RTN3: variants seen among roughly 807,000 people sequenced by gnomAD.
The protein encoded by RTN3 is reticulon 3.
RTN3 carries 49 observed loss-of-function variants against 77.8 expected under a neutral mutation model. The observed-to-expected ratio is 0.63, with a 90% CI of 0.50 to 0.80. The LOEUF (loss-of-function observed/expected upper bound fraction) is 0.80. Among genes scored for constraint, RTN3 ranks in the 30% least tolerant of loss-of-function variants. RTN3 has a pLI of 0.00. For synonymous variants in RTN3, 464 were observed against 446.9 expected, an observed-to-expected ratio of 1.04 and a Z score of -0.48; for missense variants, 1,236 against 1,211.9, an observed-to-expected ratio of 1.02 and a Z score of -0.29.
intron 2 of RTN3, chr11:63,714,154 C>A: frequency 2.4e-6 from 1 of 421,114 alleles, no homozygotes; most frequent in Non-Finnish European, 4.8e-6. Flanking sequence ...TACAGGTCAG[C>A]TGTGTCCAAG....
chr11:63,704,629 A>T (rs572787824), intron 1 of RTN3, among the ~76,000 whole-genome samples: 1 of 152,292 alleles, frequency 6.6e-6, no homozygotes, highest in East Asian at 1.9e-4. Context: ...CTAAAAAAAA[A>T]AAAATGAATG....
At chr11:63,711,377 G>T (rs1565314398) in intron 2 of RTN3, among the ~76,000 whole-genome samples, 2 of 148,922 alleles carry the variant, frequency 1.3e-5, no homozygotes, top group Non-Finnish European at 3.0e-5. Flanking sequence ...TGTTTTTTGG[G>T]TTTTTTATTT....
chr11:63,732,085 T>G (rs2012733549), intron 3 of RTN3, among the ~76,000 whole-genome samples: 1 of 151,730 alleles, frequency 6.6e-6, no homozygotes, highest in South Asian at 2.1e-4. Flanking sequence ...AGAGCTGAAA[T>G]CAATGGAATA....
At chr11:63,738,245 T>A (rs2013259364) in intron 3 of RTN3, among the ~76,000 whole-genome samples, 1 of 152,150 alleles carries the variant, frequency 6.6e-6, no homozygotes, top group Non-Finnish European at 1.5e-5. Flanking sequence ...TTCCTTTTAG[T>A]TATTTCAGGC....
chr11:63,706,880 A>G (rs1942519585), intron 2 of RTN3, among the ~76,000 whole-genome samples: 1 of 148,004 alleles, frequency 6.8e-6, no homozygotes, highest in African/African-American at 2.5e-5. Context: ...TTAAGTCACT[A>G]TTTTTTTTCT....
At chr11:63,728,560 G>A (rs369397836) in intron 3 of RTN3, among the ~76,000 whole-genome samples, 86 of 152,206 alleles carry the variant, frequency 5.7e-4, no homozygotes, top group African/African-American at 1.9e-3. Context: ...TAGTCAAGTT[G>A]CTGAAAACCA....
At position 63,729,679 on chromosome 11, in the gene RTN3, T is replaced by C. The variant is rs557383870; in HGVS notation, c.2530+8647T>C. 3.3e-5 allele frequency among the ~76,000 whole-genome samples: 5 copies of C among 152,014 alleles called. 1 individual carries two copies. Among genetic ancestry groups the C allele is most frequent in the African/African-American group, 9.6e-5 (4 of 41,484 alleles). On this transcript the variant is annotated intron_variant, in intron 3 of 8. Coordinates refer to ENST00000377819, the MANE Select transcript of RTN3 (RefSeq NM_001265589.2). ...CTCATTATGTTGCCAACACTGGCAT[T>C]GATCTCCTGGGCTCAAGTAATCCTC...
intron 1 of RTN3, among the ~76,000 whole-genome samples, chr11:63,687,667 A>G (rs7943876): frequency 0.096 from 14,647 of 152,144 alleles, 958 homozygotes; most frequent in Non-Finnish European, 0.14. Context: ...TGCCTGTAGT[A>G]AATAACTGTA....
At chr11:63,740,669 C>T (rs549067024) in intron 3 of RTN3, among the ~76,000 whole-genome samples, 2 of 151,532 alleles carry the variant, frequency 1.3e-5, no homozygotes, top group South Asian at 2.1e-4. Context: ...GGAATTCAAG[C>T]GATCCTCCAG....
Position 63,719,678 on chromosome 11 carries a change from T to C in RTN3, c.1176T>C (p.Ile392=). 3 of 1,614,142 alleles carry C rather than the reference T, an allele frequency of 1.9e-6. No homozygotes were observed. The highest frequency in any genetic ancestry group is 1.7e-6 in the Non-Finnish European group (2 of 1,180,026). Residue 392 remains isoleucine, a synonymous_variant, in exon 3 of 9, where the codon ATT becomes ATC. Transcript: ENST00000377819. ...ATCAGAAAACTCCTGTATGTTCTAT[T>C]GATGGGAGCACTCCCATCACTAAAT... ...STHQKTPVCS[I]DGSTPITKST...
In RTN3 at chr11:63,719,954, G is replaced by A. The variant is rs767515183; in HGVS notation, c.1452G>A (p.Gln484=). Residue 484 remains glutamine (Q), a synonymous_variant, in exon 3 of 9, where the codon CAG becomes CAA. Coordinates refer to ENST00000377819, the MANE Select transcript of RTN3 (RefSeq NM_001265589.2). ...ACCTGAAAGATGAAATGGACTGGCA[G>A]AGCTCTGCATTGGGAGAAATCACAG... ...DDHLKDEMDW[Q]SSALGEITEA... 6.2e-7 allele frequency: 1 copy of A among 1,614,174 alleles called. No homozygotes were observed. The highest frequency in any genetic ancestry group is 1.1e-5 in the South Asian group (1 of 91,082).
intron 5 of RTN3, 87 bp from the exon 6 acceptor site, chr11:63,752,982 C>T: frequency 7.9e-7 from 1 of 1,260,582 alleles, no homozygotes; most frequent in Non-Finnish European, 1.1e-6. Flanking sequence ...TTTATGCAGA[C>T]TTAATTAGCT....
At chr11:63,721,570 G>C (rs1445298032) in intron 3 of RTN3, among the ~76,000 whole-genome samples, 1 of 134,812 alleles carries the variant, frequency 7.4e-6, no homozygotes, top group Non-Finnish European at 1.6e-5. Context: ...GCAAGACTCT[G>C]TCTCAAAAAA....
intron 3 of RTN3, among the ~76,000 whole-genome samples, chr11:63,721,848 G>A (rs946212116): frequency 2.6e-5 from 4 of 152,056 alleles, no homozygotes; most frequent in Admixed American, 6.6e-5. Context: ...TAATGTGATC[G>A]TATACTATAG....
rs2014527889 is a variant in RTN3 at position 63,758,968 on chromosome 11, A to C, written c.*767A>C. 1 of 151,894 alleles carries C rather than the reference A, an allele frequency of 6.6e-6. No individual in the cohort carries two copies. The highest frequency in any genetic ancestry group is 2.4e-5 in the African/African-American group (1 of 41,308). 9.4% of individuals were successfully genotyped at this position (151,894 alleles called of 1,614,324 possible). Reference sequence around the variant, plus strand: ...ACCGGTTCTGAGCATTAGTTTGAGAACTCGTTCCCGAATGTGCTTTCCTCC... The same window carrying C: ...ACCGGTTCTGAGCATTAGTTTGAGACCTCGTTCCCGAATGTGCTTTCCTCC... On this transcript the variant is annotated 3_prime_UTR_variant, in exon 9 of 9. Transcript: ENST00000377819.
Position 63,720,226 on chromosome 11 carries a change from G to A in RTN3, c.1724G>A (p.Ser575Asn), listed in dbSNP as rs1217849239. The A allele has an allele frequency of 6.2e-7, 1 of 1,614,114 alleles. No homozygotes were observed. The highest frequency in any genetic ancestry group is 1.1e-5 in the South Asian group (1 of 91,072). The part of the protein sequence containing the change: ...HQDQPDILGR[S>N]PASEAACSKV... ...GATCAGCCTGATATTCTTGGAAGGA[G>A]TCCAGCTAGTGAGGCAGCATGTTCA... The change falls in exon 3 of 9, where the codon AGT becomes AAT. Residue 575 changes from serine (S) to asparagine (N), a missense_variant. Around this residue, in one of 3 missense-constraint regions of RTN3, gnomAD observed 1,056 missense variants for 990.4 expected, o/e 1.07. Coordinates refer to ENST00000377819, the MANE Select transcript of RTN3 (RefSeq NM_001265589.2).
chr11:63,735,598 C>CTCTCTCTCTCTCTCTCTT (rs1238903324), intron 3 of RTN3, among the ~76,000 whole-genome samples: 2 of 147,878 alleles, frequency 1.4e-5, no homozygotes, highest in Non-Finnish European at 1.5e-5. Flanking sequence ...CTCTCTCTCT[C>CTCTCTCTCTCTCTCTCTT]TCTTTCTTTC....
intron 1 of RTN3, among the ~76,000 whole-genome samples, chr11:63,696,881 CT>C (rs1193148114): frequency 0.022 from 361 of 16,520 alleles, 4 homozygotes; most frequent in African/African-American, 0.067. Flanking sequence ...TTCTTTCTTT[CT>C]TTTTTTTTTT....
At chr11:63,747,262 C>CTTCT (rs1172397113) in intron 3 of RTN3, among the ~76,000 whole-genome samples, 2 of 152,212 alleles carry the variant, frequency 1.3e-5, no homozygotes, top group African/African-American at 4.8e-5. Flanking sequence ...CCCTCTAAGC[C>CTTCT]TTCTGTGTTG....
Sources: gnomAD v4.1 joint callset for allele counts (sites outside exome capture counted in the v4.1 genomes callset) on GRCh38, gnomAD v4.1.1 for gene constraint, gnomAD v4.1.1 regional missense constraint, MANE v1.5 for transcripts, NCBI Gene and HGNC (gene_info 2026-07-23, HGNC 2026-07-21) for gene names.